Variants in DOCK2 observed in about 807,000 individuals in gnomAD.
The protein encoded by DOCK2 is dedicator of cytokinesis 2, also known as dedicator of cytokinesis protein 2.
A neutral mutation model predicts 248.9 loss-of-function variants in DOCK2; 87 were observed. The observed-to-expected ratio is 0.35, with a 90% CI of 0.29 to 0.42. DOCK2 has a LOEUF of 0.42. Among genes scored for constraint, DOCK2 ranks in the 10% least tolerant of loss-of-function variants. The pLI is 1.00. For missense variants in DOCK2, 1,747 were observed against 2,300.2 expected, an observed-to-expected ratio of 0.76 and a Z score of 4.92; for synonymous variants, 805 against 821.6, an observed-to-expected ratio of 0.98 and a Z score of 0.35.
Position 169,944,858 on chromosome 5 carries a change from T to C in DOCK2, c.2800-38210T>C, listed in dbSNP as rs557526824. On this transcript the variant is annotated intron_variant, in intron 27 of 51. Transcript: ENST00000520908. ...TTCCTCCTCCATCTGCCTTGTGGGCTCCAGTTGCTCAGAATGCTTCATTTT... is the reference window on the plus strand; with the variant it reads ...TTCCTCCTCCATCTGCCTTGTGGGCCCCAGTTGCTCAGAATGCTTCATTTT... 2.0e-5 allele frequency among the ~76,000 whole-genome samples: 3 copies of C among 152,348 alleles called. No individual in the cohort carries two copies. In the South Asian group the frequency reaches 6.2e-4, roughly 32 times the overall value.
chr5:169,882,833 C>T (rs771825263), intron 27 of DOCK2: 4 of 1,550,776 alleles, frequency 2.6e-6, no homozygotes, highest in Non-Finnish European at 2.6e-6. Context: ...GCCGTCTGCT[C>T]CTGACACCCA....
chr5:169,879,977 T>C (rs1398786055), intron 27 of DOCK2, among the ~76,000 whole-genome samples: 1 of 152,222 alleles, frequency 6.6e-6, no homozygotes, highest in Non-Finnish European at 1.5e-5. Context: ...TTAATTCTTC[T>C]TGTTTATGAT....
At chr5:169,940,641 G>A (rs1561839989) in intron 27 of DOCK2, among the ~76,000 whole-genome samples, 2 of 152,288 alleles carry the variant, frequency 1.3e-5, no homozygotes, top group South Asian at 2.1e-4. Flanking sequence ...TAAGGAGCAC[G>A]CAACTTAGAT....
At chr5:169,987,332 G>C (rs1207770090) in intron 29 of DOCK2, among the ~76,000 whole-genome samples, 4 of 152,198 alleles carry the variant, frequency 2.6e-5, no homozygotes, top group Admixed American at 1.3e-4. Context: ...AATGAAATGT[G>C]CTATTAAGTC....
At chr5:169,709,674 T>C (rs1761472409) in intron 15 of DOCK2, among the ~76,000 whole-genome samples, 1 of 152,110 alleles carries the variant, frequency 6.6e-6, no homozygotes, top group African/African-American at 2.4e-5. Context: ...TGAGCTGAGA[T>C]TGCACCACTG....
intron 2 of DOCK2, among the ~76,000 whole-genome samples, chr5:169,657,137 A>C (rs1033699821): frequency 6.6e-6 from 1 of 152,200 alleles, no homozygotes; most frequent in African/African-American, 2.4e-5. Context: ...AGGACTTCTC[A>C]TGCATACACT....
chr5:169,890,752 T>C (rs1773233357), intron 27 of DOCK2, among the ~76,000 whole-genome samples: 1 of 152,218 alleles, frequency 6.6e-6, no homozygotes, highest in African/African-American at 2.4e-5. Flanking sequence ...ATGTGCTGAT[T>C]GTGAAATCTT....
chr5:169,870,602 A>C (rs1771897636), intron 27 of DOCK2, among the ~76,000 whole-genome samples: 1 of 151,750 alleles, frequency 6.6e-6, no homozygotes, highest in Admixed American at 6.6e-5. Flanking sequence ...TTGATTTTTT[A>C]AAATTTTATT....
In DOCK2 at chr5:169,876,056, T is replaced by C. The variant is rs1436092401; in HGVS notation, c.2799+35204T>C. Among the ~76,000 whole-genome samples the C allele has an allele frequency of 2.0e-5, 3 of 152,138 alleles. No individual in the cohort carries two copies. The East Asian group carries it at 5.8e-4, about 29-fold the overall frequency. On this transcript the variant is annotated intron_variant, in intron 27 of 51. Coordinates refer to ENST00000520908, the MANE Select transcript of DOCK2 (RefSeq NM_004946.3). ...CTAGGAGAGAAAACATCCCTTGCCT[T>C]CTCTCACTTTTGGGGTCTGCCATGC...
intron 2 of DOCK2, among the ~76,000 whole-genome samples, chr5:169,656,796 G>A (rs1030605799): frequency 3.9e-5 from 6 of 152,182 alleles, no homozygotes; most frequent in African/African-American, 1.4e-4. Context: ...CTCCCACACA[G>A]GCTGCCATAG....
At chr5:170,033,783 G>A (rs10044461) in intron 34 of DOCK2, among the ~76,000 whole-genome samples, 63,598 of 152,064 alleles carry the variant, frequency 0.42, 14,622 homozygotes, top group African/African-American at 0.61. Context: ...TAAGTGAAAA[G>A]CAAATATTGT....
chr5:170,037,398 T>A (rs1756356816), intron 36 of DOCK2, among the ~76,000 whole-genome samples: 1 of 151,840 alleles, frequency 6.6e-6, no homozygotes, highest in Non-Finnish European at 1.5e-5. Context: ...CCAGAATATA[T>A]CATCATTTAT....
At chr5:169,704,789 G>GTGTGTGTGTA (rs1554091073) in intron 14 of DOCK2, among the ~76,000 whole-genome samples, 117 of 148,156 alleles carry the variant, frequency 7.9e-4, no homozygotes, top group Middle Eastern at 3.5e-3. Context: ...GTGTGTGTGT[G>GTGTGTGTGTA]TGTGTGTGTG....
chr5:169,644,672 A>G (rs576219580), intron 1 of DOCK2, among the ~76,000 whole-genome samples: 78 of 150,902 alleles, frequency 5.2e-4, no homozygotes, highest in Non-Finnish European at 1.1e-3. Flanking sequence ...AGTGCAGAAC[A>G]TGCAGGTTTG....
intron 47 of DOCK2, 112 bp downstream of exon 47, chr5:170,076,196 GAAGAT>G: frequency 6.9e-7 from 1 of 1,442,754 alleles, no homozygotes; most frequent in Non-Finnish European, 9.3e-7. Flanking sequence ...CTTCCAAAGA[GAAGAT>G]AATGATGGCC....
At chr5:169,712,256 G>C (rs1220721246) in intron 17 of DOCK2, 33 bp downstream of exon 17, 1 of 1,591,986 alleles carries the variant, frequency 6.3e-7, no homozygotes. Context: ...CTGCACTGAG[G>C]GGAGTGCAGG....
At chr5:170,068,624 G>T (rs147978174) in intron 45 of DOCK2, among the ~76,000 whole-genome samples, 82 of 152,296 alleles carry the variant, frequency 5.4e-4, no homozygotes, top group Non-Finnish European at 1.1e-3. Context: ...ACACACTAAG[G>T]ACATGAGCCC....
rs753482903 is a variant in DOCK2, at chr5:169,702,406, G to A, written c.1362G>A (p.Ala454=). 8.7e-6 allele frequency: 14 copies of A among 1,613,764 alleles called. No individual in the cohort carries two copies. Among genetic ancestry groups the A allele is most frequent in the African/African-American group, 8.0e-5 (6 of 74,902 alleles). Residue 454 remains alanine (A), a synonymous_variant, in exon 14 of 52, where the codon GCG becomes GCA. Coordinates refer to ENST00000520908, the MANE Select transcript of DOCK2 (RefSeq NM_004946.3). The part of the protein sequence containing the change: ...RNVEVIMCVC[A]EDGKTLPNAI... ...TGGAAGTCATCATGTGTGTGTGCGC[G>A]GAGGATGGCAAAACGCTGCCTGTAA...
At chr5:169,822,314 C>A (rs1444625556) in intron 26 of DOCK2, among the ~76,000 whole-genome samples, 1 of 152,216 alleles carries the variant, frequency 6.6e-6, no homozygotes, top group Non-Finnish European at 1.5e-5. Context: ...ACAGAATATA[C>A]ATTCTTTTCA....
Sources: gnomAD v4.1 joint callset for allele counts (sites outside exome capture counted in the v4.1 genomes callset) on GRCh38, gnomAD v4.1.1 for gene constraint, MANE v1.5 for transcripts, NCBI Gene and HGNC (gene_info 2026-07-23, HGNC 2026-07-21) for gene names.